The following PARD6G variants were observed in gnomAD, a reference collection of about 807,000 sequenced individuals.
PARD6G encodes the protein partitioning defective 6 homolog gamma.
A neutral mutation model predicts 10.7 loss-of-function variants in PARD6G; 7 were observed. That is an observed-to-expected ratio of 0.66 (90% CI 0.37 to 1.23). The LOEUF (loss-of-function observed/expected upper bound fraction) is 1.23. PARD6G is among the 50% of genes most tolerant of loss of function. PARD6G has a pLI of 0.02. For synonymous variants in PARD6G, 287 were observed against 269.4 expected, an observed-to-expected ratio of 1.07 and a Z score of -0.64; for missense variants, 548 against 571.8, an observed-to-expected ratio of 0.96 and a Z score of 0.42.
intron 1 of PARD6G, among the ~76,000 whole-genome samples, chr18:80,216,808 C>A (rs1306395328): frequency 6.6e-6 from 1 of 151,892 alleles, no homozygotes; most frequent in Non-Finnish European, 1.5e-5. Flanking sequence ...GAGAAAGTGA[C>A]AAAATCAAAA....
chr18:80,216,810 A>G (rs1218807510), intron 1 of PARD6G, among the ~76,000 whole-genome samples: 1 of 152,150 alleles, frequency 6.6e-6, no homozygotes, highest in East Asian at 1.9e-4. Flanking sequence ...GAAAGTGACA[A>G]AATCAAAAGT....
In PARD6G at chr18:80,247,402, A is replaced by G; in HGVS notation, c.-54T>C. ...GCCCTCGCTCCTCAGGGGCCGCAGA[A>G]AGACTCCCGGGGGCGGCGCCCCCAG... is the stretch of plus-strand genomic sequence containing the variant. On this transcript the variant is annotated 5_prime_UTR_variant, in exon 1 of 3. Coordinates refer to ENST00000353265, the MANE Select transcript of PARD6G (RefSeq NM_032510.4). This position sits in a 1 kb window ranked among gnomAD's most constrained non-coding sequence, Gnocchi z 4.2. The G allele has an allele frequency of 4.1e-6, 6 of 1,446,480 alleles. No homozygotes were observed. The highest frequency in any genetic ancestry group is 5.6e-6 in the Non-Finnish European group (6 of 1,072,942). 89.6% of individuals were successfully genotyped at this position (1,446,480 alleles called of 1,614,324 possible). A position where few individuals can be genotyped will look rare whatever the true frequency, so the allele number is the denominator to read the frequency against.
chr18:80,189,705 C>T lies in PARD6G; in HGVS notation c.295+13005G>A, dbSNP rs1368454523. ...TCAAGCACGTCCCCTGGGAGTCCCC[C>T]GTCCGTCGTTGAGGCTGTTCTTTCA... On this transcript the variant is annotated intron_variant, in intron 2 of 2. Transcript: ENST00000353265. The surrounding 1 kb of genome is among the most constrained non-coding windows in gnomAD (Gnocchi z 5.5). Among the ~76,000 whole-genome samples, 4 of 152,106 alleles carry T rather than the reference C, an allele frequency of 2.6e-5. No homozygotes were observed. Among genetic ancestry groups the T allele is most frequent in the African/African-American group, 4.8e-5 (2 of 41,418 alleles).
At position 80,188,740 on chromosome 18, in the gene PARD6G, GCAGCTCTCGGC is replaced by G. The variant is rs1330821049; in HGVS notation, c.295+13959_295+13969del. 2.5e-4 allele frequency among the ~76,000 whole-genome samples: 38 copies of G among 152,248 alleles called. No individual in the cohort carries two copies. The highest frequency in any genetic ancestry group is 8.7e-4 in the African/African-American group (36 of 41,464). ...CAGGGGCCTGCATCTCAGAAGATGG[GCAGCTCTCGGC>G]CAGTCACCCTGGCCTGGGATGGCCG... On this transcript the variant is annotated intron_variant, in intron 2 of 2. Coordinates refer to ENST00000353265, the MANE Select transcript of PARD6G (RefSeq NM_032510.4). This position sits in a 1 kb window ranked among gnomAD's most constrained non-coding sequence, Gnocchi z 5.4.
At chr18:80,166,513 C>T (rs1045890382) in intron 2 of PARD6G, among the ~76,000 whole-genome samples, 4 of 149,586 alleles carry the variant, frequency 2.7e-5, no homozygotes, top group Non-Finnish European at 5.9e-5. Flanking sequence ...TCATTGAAAG[C>T]GATCAGTTAC....
intron 2 of PARD6G, chr18:80,197,674 C>T (rs1025568925): frequency 3.3e-5 from 5 of 152,202 alleles, no homozygotes; most frequent in African/African-American, 1.2e-4. Context: ...CTAGCATTTG[C>T]AGAGTTTATT....
In PARD6G at chr18:80,181,488, G is replaced by A. The variant is rs1241363034; in HGVS notation, c.296-20882C>T. Among the ~76,000 whole-genome samples, 2 of 152,172 alleles carry A rather than the reference G, an allele frequency of 1.3e-5. No homozygotes were observed. Among genetic ancestry groups the A allele is most frequent in the African/African-American group, 4.8e-5 (2 of 41,432 alleles). ...GAAGGCCTCATCTCCATACAGCGCT[G>A]CGGCCAGCTGGTGACAGGTCTCAAA... On this transcript the variant is annotated intron_variant, in intron 2 of 2. Coordinates refer to ENST00000353265, the MANE Select transcript of PARD6G (RefSeq NM_032510.4). The surrounding 1 kb of genome is among the most constrained non-coding windows in gnomAD (Gnocchi z 7.9).
At chr18:80,193,016 G>GT (rs1346473008) in intron 2 of PARD6G, among the ~76,000 whole-genome samples, 3 of 152,130 alleles carry the variant, frequency 2.0e-5, no homozygotes, top group Non-Finnish European at 4.4e-5. Context: ...TTGCTTCCTA[G>GT]TTCAGAAAGG....
chr18:80,207,401 T>C (rs1188189559), intron 1 of PARD6G, among the ~76,000 whole-genome samples: 1 of 151,838 alleles, frequency 6.6e-6, no homozygotes, highest in Non-Finnish European at 1.5e-5. Context: ...TACTTAACAG[T>C]AAATGAAAGA....
intron 1 of PARD6G, among the ~76,000 whole-genome samples, chr18:80,205,932 A>T (rs1235986067): frequency 1.3e-5 from 2 of 152,240 alleles, no homozygotes; most frequent in African/African-American, 4.8e-5. Flanking sequence ...TTTGAATTTT[A>T]TATAATTCTC....
intron 1 of PARD6G, among the ~76,000 whole-genome samples, chr18:80,238,262 GT>G (rs1487866809): frequency 2.6e-5 from 4 of 152,124 alleles, no homozygotes; most frequent in African/African-American, 9.7e-5. Context: ...AACACTGCAT[GT>G]TCTCACTCAT....
At position 80,246,550 on chromosome 18, in the gene PARD6G, G is replaced by A. The variant is rs1967550008; in HGVS notation, c.72+727C>T. 6.6e-6 allele frequency among the ~76,000 whole-genome samples: 1 copy of A among 150,846 alleles called. No homozygotes were observed. Among genetic ancestry groups the A allele is most frequent in the South Asian group, 2.1e-4 (1 of 4,780 alleles). ...CGGGAGGGGTCTGGGTCTGAGCCGG[G>A]GGCGCGCCCGGGGGAGTGGGCTGGG... On this transcript the variant is annotated intron_variant, in intron 1 of 2. Coordinates refer to ENST00000353265, the MANE Select transcript of PARD6G (RefSeq NM_032510.4). The surrounding 1 kb of genome is among the most constrained non-coding windows in gnomAD (Gnocchi z 6.7).
rs1182896064 is a variant in PARD6G at position 80,160,077 on chromosome 18, G to T, written c.825C>A (p.Gly275=). Residue 275 remains glycine, a synonymous_variant, in exon 3 of 3, where the codon GGC becomes GGA. Transcript: ENST00000353265. ...SSGPPSDGTA[G]FVGPPAPRVL... is the part of the protein sequence containing the mutation. ...CGCGCGGGGCGGGGGGACCCACGAA[G>T]CCCGCGGTGCCGTCCGAGGGCGGTC... 2.1e-5 allele frequency: 33 copies of T among 1,577,926 alleles called. No homozygotes were observed. Among genetic ancestry groups the T allele is most frequent in the Non-Finnish European group, 2.8e-5 (33 of 1,164,230 alleles).
At chr18:80,186,615 C>T (rs1314721260) in intron 2 of PARD6G, among the ~76,000 whole-genome samples, 4 of 152,188 alleles carry the variant, frequency 2.6e-5, no homozygotes, top group East Asian at 1.9e-4. Context: ...CCTGTGCACA[C>T]GTGCACTCAT....
At chr18:80,195,961 C>T (rs1052953721) in intron 2 of PARD6G, among the ~76,000 whole-genome samples, 7 of 151,748 alleles carry the variant, frequency 4.6e-5, no homozygotes, top group African/African-American at 1.7e-4. Context: ...AGAGTGGTCC[C>T]CTGGCAATAT....
At chr18:80,167,975 A>G (rs2052747779) in intron 2 of PARD6G, among the ~76,000 whole-genome samples, 1 of 152,168 alleles carries the variant, frequency 6.6e-6, no homozygotes, top group Non-Finnish European at 1.5e-5. Flanking sequence ...GGGGCAAAAG[A>G]GCCAGTGGCT....
At chr18:80,163,323 T>C (rs2052713380) in intron 2 of PARD6G, among the ~76,000 whole-genome samples, 1 of 151,998 alleles carries the variant, frequency 6.6e-6, no homozygotes, top group African/African-American at 2.4e-5. Flanking sequence ...TAAGAAATGG[T>C]GTGTGTCCAT....
At chr18:80,236,164 G>C (rs910396586) in intron 1 of PARD6G, among the ~76,000 whole-genome samples, 1 of 152,086 alleles carries the variant, frequency 6.6e-6, no homozygotes, top group South Asian at 2.1e-4. Context: ...CGATCAATTG[G>C]GCTTCATCCC....
rs2052855232 is a variant in PARD6G at position 80,182,922 on chromosome 18, G to A, written c.295+19788C>T. 3.4e-6 allele frequency: 2 copies of A among 592,220 alleles called. No homozygotes were observed. The highest frequency in any genetic ancestry group is 5.6e-5 in the East Asian group (2 of 35,990). 36.7% of individuals were successfully genotyped at this position (592,220 alleles called of 1,614,324 possible). ...TAGATGTTTGGCTGAAGCTGCGTGT[G>A]CCACAACACTGCAGGCCCCACACCA... On this transcript the variant is annotated intron_variant, in intron 2 of 2. Transcript: ENST00000353265. The surrounding 1 kb of genome is among the most constrained non-coding windows in gnomAD (Gnocchi z 4.5).
Sources: allele counts gnomAD v4.1 joint callset (sites outside exome capture counted in the v4.1 genomes callset), GRCh38; gene constraint gnomAD v4.1.1; non-coding constraint Gnocchi (gnomAD v3.1); transcripts MANE v1.5; gene names NCBI Gene and HGNC (gene_info 2026-07-23, HGNC 2026-07-21).